The following PLXNA4 variants were observed in gnomAD, a reference collection of about 807,000 sequenced individuals.
PLXNA4 encodes the protein plexin A4.
In PLXNA4, 44 loss-of-function variants were observed where a neutral mutation model predicts 191.8. That is an observed-to-expected ratio of 0.23 (90% CI 0.18 to 0.29). The LOEUF (loss-of-function observed/expected upper bound fraction) is 0.29, where lower values mean the gene tolerates loss of function less well. PLXNA4 is among the 10% of genes least tolerant of loss of function. The pLI is 1.00. For missense variants in PLXNA4, 1,800 were observed against 2,488.8 expected (o/e 0.72, Z 5.89); for synonymous variants, 1,082 against 1,009.5 (o/e 1.07, Z -1.36).
intron 4 of PLXNA4, among the ~76,000 whole-genome samples, chr7:132,242,435 T>C (rs1798913251): frequency 6.6e-6 from 1 of 152,214 alleles, no homozygotes; most frequent in African/African-American, 2.4e-5. Context: ...TACTTGTAAC[T>C]CACGCACAGG....
At chr7:132,230,697 C>T (rs574158842) in intron 5 of PLXNA4, among the ~76,000 whole-genome samples, 4 of 152,302 alleles carry the variant, frequency 2.6e-5, no homozygotes, top group African/African-American at 4.8e-5. Flanking sequence ...GCACTGACAT[C>T]GCTATTAATA....
chr7:132,178,950 C>T lies in PLXNA4; in HGVS notation c.3874+737G>A, dbSNP rs569518754. Among the ~76,000 whole-genome samples, 506 of 148,090 alleles carry T rather than the reference C, an allele frequency of 3.4e-3. 13 individuals carry two copies. The highest frequency in any genetic ancestry group is 0.011 in the African/African-American group (452 of 39,450). ...ACATACGCATACACACACGTGCACA[C>T]ACACACAGCCTCCAGCACTGCCCAC... On this transcript the variant is annotated intron_variant, in intron 20 of 31. Coordinates refer to ENST00000321063, the MANE Select transcript of PLXNA4 (RefSeq NM_020911.2).
chr7:132,538,997 ACT>A (rs1353905283), intron 1 of PLXNA4, among the ~76,000 whole-genome samples: 2 of 152,200 alleles, frequency 1.3e-5, no homozygotes, highest in Non-Finnish European at 2.9e-5. Flanking sequence ...TCCTGTAATA[ACT>A]CACATCTTCT....
At chr7:132,226,628 C>A (rs146706072) in intron 7 of PLXNA4, among the ~76,000 whole-genome samples, 1 of 152,194 alleles carries the variant, frequency 6.6e-6, no homozygotes, top group Admixed American at 6.5e-5. Flanking sequence ...CCACAAACTG[C>A]GCAAGAAGTT....
intron 24 of PLXNA4, 27 bp downstream of exon 24, chr7:132,164,115 C>T: frequency 6.2e-7 from 1 of 1,612,868 alleles, no homozygotes; most frequent in Non-Finnish European, 8.5e-7. Flanking sequence ...TGTCAAAGCC[C>T]CAGGGGAAAC....
At position 132,550,805 on chromosome 7, in the gene PLXNA4, A is replaced by G. The variant is rs1399720386; in HGVS notation, c.-87+25617T>C. Reference sequence around the variant, plus strand: ...ATCTGCACCTATAGTCCCTCATCCAATTTGGGACTTATTGCAGTGCAGACC... The same window carrying G: ...ATCTGCACCTATAGTCCCTCATCCAGTTTGGGACTTATTGCAGTGCAGACC... On this transcript the variant is annotated intron_variant, in intron 1 of 31. Transcript: ENST00000321063. 5.1e-4 allele frequency among the ~76,000 whole-genome samples: 6 copies of G among 11,712 alleles called. No homozygotes were observed. In the Admixed American group the frequency reaches 6.8e-3, roughly 13 times the overall value. 7.7% of individuals were successfully genotyped at this position (11,712 alleles called of 152,430 possible). A position where few individuals can be genotyped will look rare whatever the true frequency, so the allele number is the denominator to read the frequency against.
chr7:132,358,134 C>T (rs528804162), intron 3 of PLXNA4, among the ~76,000 whole-genome samples: 41 of 152,200 alleles, frequency 2.7e-4, no homozygotes, highest in Non-Finnish European at 1.8e-4. Context: ...CCTGTGACTG[C>T]GTCTATGTGG....
intron 4 of PLXNA4, among the ~76,000 whole-genome samples, chr7:132,269,451 G>C (rs560862536): frequency 1.2e-3 from 187 of 150,584 alleles, no homozygotes; most frequent in Admixed American, 5.8e-3. Flanking sequence ...GACCAGATGA[G>C]AGTGAAAGGA....
intron 3 of PLXNA4, among the ~76,000 whole-genome samples, chr7:132,325,580 G>A (rs554907185): frequency 1.1e-4 from 16 of 152,274 alleles, no homozygotes; most frequent in Middle Eastern, 3.4e-3. Context: ...CCATGTGGCC[G>A]ATGGAGGCAG....
intron 2 of PLXNA4, among the ~76,000 whole-genome samples, chr7:132,619,380 C>T (rs1378331554): frequency 2.0e-5 from 3 of 152,152 alleles, no homozygotes; most frequent in Non-Finnish European, 4.4e-5. Flanking sequence ...GATTAACTGC[C>T]AGATTAAACA....
chr7:132,261,875 T>C (rs566571868), intron 4 of PLXNA4, among the ~76,000 whole-genome samples: 9 of 152,204 alleles, frequency 5.9e-5, no homozygotes, highest in Non-Finnish European at 1.3e-4. Context: ...ACTGTGGCTC[T>C]GTGAGCACCT....
rs1315937965 is a variant in PLXNA4 at position 132,627,295 on chromosome 7, G to A, written c.-87+18633C>T. 7.9e-5 allele frequency among the ~76,000 whole-genome samples: 12 copies of A among 152,246 alleles called. No homozygotes were observed. In the South Asian group the frequency reaches 2.5e-3, roughly 32 times the overall value. Reference sequence around the variant, plus strand: ...TACCTGTCAACTTCCTATTATGAAAGATGAAGGTTTAGATCTTTTACACAC... The same window carrying A: ...TACCTGTCAACTTCCTATTATGAAAAATGAAGGTTTAGATCTTTTACACAC... On this transcript the variant is annotated intron_variant, in intron 2 of 4. Coordinates refer to the PLXNA4 transcript ENST00000378539.
At chr7:132,344,326 C>T (rs184871196) in intron 3 of PLXNA4, among the ~76,000 whole-genome samples, 34 of 152,254 alleles carry the variant, frequency 2.2e-4, no homozygotes, top group Non-Finnish European at 4.1e-4. Flanking sequence ...TCTACATGTG[C>T]TACGATATGA....
chr7:132,426,296 T>G (rs1585118883), intron 3 of PLXNA4, among the ~76,000 whole-genome samples: 1 of 151,804 alleles, frequency 6.6e-6, no homozygotes, highest in Non-Finnish European at 1.5e-5. Context: ...GTGATGGGGG[T>G]GGGGGTCCTC....
chr7:132,524,000 C>T (rs1799297495), intron 1 of PLXNA4, among the ~76,000 whole-genome samples: 1 of 152,192 alleles, frequency 6.6e-6, no homozygotes, highest in Non-Finnish European at 1.5e-5. Context: ...CAGAGAACCA[C>T]ACTGTGTGTT....
At chr7:132,514,847 C>A (rs1036398254) in intron 1 of PLXNA4, among the ~76,000 whole-genome samples, 8 of 151,922 alleles carry the variant, frequency 5.3e-5, no homozygotes, top group African/African-American at 1.9e-4. Context: ...GTTCTGTTTT[C>A]TTTGAAGAAG....
intron 3 of PLXNA4, among the ~76,000 whole-genome samples, chr7:132,444,929 C>A (rs971764922): frequency 6.6e-6 from 1 of 151,516 alleles, no homozygotes; most frequent in Non-Finnish European, 1.5e-5. Context: ...TTTGGGAGGC[C>A]GAGGCGGGCG....
chr7:132,178,845 TACACAC>T (rs56027205), intron 20 of PLXNA4, among the ~76,000 whole-genome samples: 30,440 of 83,154 alleles, frequency 0.37, 5,736 homozygotes, highest in Middle Eastern at 0.45. Flanking sequence ...TACACATATA[TACACAC>T]ACACACACAC....
intron 3 of PLXNA4, among the ~76,000 whole-genome samples, chr7:132,304,338 C>T (rs1048676504): frequency 6.6e-6 from 1 of 152,130 alleles, no homozygotes; most frequent in Non-Finnish European, 1.5e-5. Flanking sequence ...CAGAACAGCA[C>T]TGGACAATGG....
Sources: gnomAD v4.1 joint callset for allele counts (sites outside exome capture counted in the v4.1 genomes callset) on GRCh38, gnomAD v4.1.1 for gene constraint, MANE v1.5 for transcripts, NCBI Gene and HGNC (gene_info 2026-07-23, HGNC 2026-07-21) for gene names.